SORBS2: variants seen among roughly 807,000 people sequenced by gnomAD.
SORBS2 encodes sorbin and SH3 domain containing 2.
SORBS2 carries 46 observed loss-of-function variants against 97.7 expected under a neutral mutation model. That is an observed-to-expected ratio of 0.47 (90% CI 0.37 to 0.60). The LOEUF (loss-of-function observed/expected upper bound fraction) is 0.60. SORBS2 is among the 20% of genes least tolerant of loss of function. The probability of loss-of-function intolerance (pLI) is 0.00; values close to 1 mark genes in which losing one functional copy is unlikely to be tolerated. For synonymous variants in SORBS2, 476 were observed against 473.4 expected, an observed-to-expected ratio of 1.01 and a Z score of -0.07; for missense variants, 1,316 against 1,282.3, an observed-to-expected ratio of 1.03 and a Z score of -0.40.
intron 2 of SORBS2, among the ~76,000 whole-genome samples, chr4:185,694,334 T>TGG (rs1409008957): frequency 2.6e-5 from 4 of 152,222 alleles, no homozygotes; most frequent in Admixed American, 2.6e-4. Flanking sequence ...TCTCTTAACT[T>TGG]GGAATTGAAC....
intron 2 of SORBS2, among the ~76,000 whole-genome samples, chr4:185,734,595 CA>C (rs577370126): frequency 2.6e-5 from 4 of 152,180 alleles, no homozygotes; most frequent in Non-Finnish European, 4.4e-5. Flanking sequence ...TGCAGCACAG[CA>C]AAGGCCATAG....
chr4:185,899,888 G>A (rs774624529), intron 1 of SORBS2, among the ~76,000 whole-genome samples: 6 of 152,150 alleles, frequency 3.9e-5, no homozygotes, highest in Non-Finnish European at 5.9e-5. Context: ...ATATGAAAAT[G>A]AGTTAGGCTG....
At chr4:185,922,817 T>C (rs944238202) in intron 1 of SORBS2, among the ~76,000 whole-genome samples, 21 of 152,324 alleles carry the variant, frequency 1.4e-4, no homozygotes, top group African/African-American at 5.1e-4. Flanking sequence ...ATATGGCAGA[T>C]ATTATTATTC....
At chr4:185,613,475 C>T (rs2096574472) in intron 11 of SORBS2, among the ~76,000 whole-genome samples, 1 of 151,244 alleles carries the variant, frequency 6.6e-6, no homozygotes, top group East Asian at 1.9e-4. Context: ...TAGTGAAACC[C>T]CATCTCTACT....
intron 2 of SORBS2, among the ~76,000 whole-genome samples, chr4:185,741,896 C>T (rs1055550665): frequency 5.9e-5 from 9 of 152,206 alleles, no homozygotes; most frequent in Admixed American, 2.0e-4. Context: ...TCCCGCCCCA[C>T]GGGTCCTTCA....
intron 2 of SORBS2, among the ~76,000 whole-genome samples, chr4:185,703,783 A>G (rs1045447463): frequency 6.6e-5 from 10 of 152,248 alleles, no homozygotes; most frequent in African/African-American, 2.2e-4. Context: ...TACATAAATT[A>G]TGATTTAATA....
At chr4:185,829,969 C>A (rs779957371) in intron 1 of SORBS2, among the ~76,000 whole-genome samples, 8 of 152,054 alleles carry the variant, frequency 5.3e-5, no homozygotes, top group Non-Finnish European at 1.2e-4. Context: ...GGGAAGGATA[C>A]CTAACACTCC....
chr4:185,873,822 C>A (rs1420452504), intron 1 of SORBS2, among the ~76,000 whole-genome samples: 1 of 152,022 alleles, frequency 6.6e-6, no homozygotes, highest in East Asian at 1.9e-4. Context: ...CTATTGTATG[C>A]AGACATAAAA....
At chr4:185,705,613 C>T (rs1213811226) in intron 2 of SORBS2, among the ~76,000 whole-genome samples, 1 of 152,116 alleles carries the variant, frequency 6.6e-6, no homozygotes, top group Admixed American at 6.5e-5. Flanking sequence ...GTTCTATATG[C>T]AAACATGAAT....
chr4:185,838,974 C>A (rs768780089), intron 1 of SORBS2, among the ~76,000 whole-genome samples: 1 of 152,140 alleles, frequency 6.6e-6, no homozygotes. Context: ...CAGCAGGCAC[C>A]GCTGCTTTCC....
chr4:185,683,035 G>GAAAAGA (rs2097896798), intron 2 of SORBS2, among the ~76,000 whole-genome samples: 1 of 144,128 alleles, frequency 6.9e-6, no homozygotes, highest in Non-Finnish European at 1.5e-5. Flanking sequence ...AAAAAGAAAA[G>GAAAAGA]AAAAGAAAAA....
At chr4:185,922,294 C>A (rs116760715) in intron 1 of SORBS2, among the ~76,000 whole-genome samples, 1 of 44,078 alleles carries the variant, frequency 2.3e-5, no homozygotes, top group African/African-American at 9.1e-5. Context: ...CTGTCCCAGC[C>A]CCTCATTGGA....
chr4:185,798,484 A>G (rs2099115865), intron 1 of SORBS2, among the ~76,000 whole-genome samples: 1 of 152,154 alleles, frequency 6.6e-6, no homozygotes, highest in Non-Finnish European at 1.5e-5. Context: ...CACGTGTGAC[A>G]AGCAGAAAAA....
At chr4:185,836,609 C>T (rs899602620) in intron 1 of SORBS2, among the ~76,000 whole-genome samples, 2 of 151,872 alleles carry the variant, frequency 1.3e-5, no homozygotes, top group Admixed American at 6.6e-5. Context: ...CGTGTCACAC[C>T]GAGCCTCAGA....
At chr4:185,716,181 G>C (rs1936968462) in intron 2 of SORBS2, among the ~76,000 whole-genome samples, 1 of 152,226 alleles carries the variant, frequency 6.6e-6, no homozygotes, top group Admixed American at 6.5e-5. Context: ...GATGGGCGTG[G>C]TCTCCCGTAA....
intron 2 of SORBS2, chr4:185,773,139 C>T (rs2098981303): frequency 6.6e-6 from 1 of 152,084 alleles, no homozygotes; most frequent in African/African-American, 2.4e-5. Context: ...AGATTTCATC[C>T]TGGTGCCATT....
At chr4:185,947,143 C>T (rs2099274918) in intron 1 of SORBS2, among the ~76,000 whole-genome samples, 2 of 152,204 alleles carry the variant, frequency 1.3e-5, no homozygotes, top group African/African-American at 2.4e-5. Flanking sequence ...TGAATTCCTT[C>T]TCCATCCTCT....
At chr4:185,778,525 C>G (rs1397612485) in intron 1 of SORBS2, among the ~76,000 whole-genome samples, 1 of 152,096 alleles carries the variant, frequency 6.6e-6, no homozygotes, top group African/African-American at 2.4e-5. Flanking sequence ...TGCGTGTAAA[C>G]ATGTTGAAAC....
chr4:185,852,689 T>G (rs2099218585), intron 1 of SORBS2, among the ~76,000 whole-genome samples: 1 of 152,186 alleles, frequency 6.6e-6, no homozygotes, highest in Non-Finnish European at 1.5e-5. Flanking sequence ...CGGTAGGTTA[T>G]TCTGCTCACA....
Sources: allele counts gnomAD v4.1 joint callset (sites outside exome capture counted in the v4.1 genomes callset), GRCh38; gene constraint gnomAD v4.1.1; transcripts MANE v1.5; gene names NCBI Gene and HGNC (gene_info 2026-07-23, HGNC 2026-07-21).